SLC35F2: variants seen among roughly 807,000 people sequenced by gnomAD.
The protein encoded by SLC35F2 is queuine/queuosine transporter SLC35F2.
SLC35F2 carries 25 observed loss-of-function variants against 38.1 expected under a neutral mutation model. The observed-to-expected ratio is 0.66, with a 90% CI of 0.48 to 0.92. SLC35F2 has a LOEUF of 0.92. Among genes scored for constraint, SLC35F2 ranks in the 40% least tolerant of loss-of-function variants. The pLI, the probability that SLC35F2 is intolerant of heterozygous loss-of-function variation, is 0.00. For missense variants in SLC35F2, 409 were observed against 452.9 expected (o/e 0.90, Z 0.88); for synonymous variants, 173 against 181.7 (o/e 0.95, Z 0.38).
chr11:107,813,574 C>T (rs771289225), intron 2 of SLC35F2, among the ~76,000 whole-genome samples: 3 of 152,214 alleles, frequency 2.0e-5, no homozygotes, highest in Non-Finnish European at 2.9e-5. Flanking sequence ...TGCACTGATA[C>T]ATTTGGGAGT....
intron 2 of SLC35F2, among the ~76,000 whole-genome samples, chr11:107,815,429 C>T (rs1490495949): frequency 6.6e-6 from 1 of 150,852 alleles, no homozygotes; most frequent in Non-Finnish European, 1.5e-5. Flanking sequence ...TGGTGGCACA[C>T]TCCTGTAGTC....
intron 1 of SLC35F2, chr11:107,824,059 A>G: frequency 2.1e-6 from 2 of 933,940 alleles, no homozygotes; most frequent in South Asian, 5.0e-5. Flanking sequence ...TTAGCCATCA[A>G]TGTATCATCT....
chr11:107,853,645 G>A (rs867139609), intron 1 of SLC35F2, among the ~76,000 whole-genome samples: 150 of 150,502 alleles, frequency 1.0e-3, no homozygotes, highest in Admixed American at 4.0e-3. Context: ...GCGTGAACCC[G>A]GGAGGCGGAG....
At chr11:107,807,080 T>C (rs1859404082) in intron 3 of SLC35F2, among the ~76,000 whole-genome samples, 2 of 151,906 alleles carry the variant, frequency 1.3e-5, no homozygotes, top group Admixed American at 6.6e-5. Flanking sequence ...CAATCCAATT[T>C]TATACATGAG....
At chr11:107,835,391 A>G (rs992260772) in intron 1 of SLC35F2, among the ~76,000 whole-genome samples, 1 of 151,908 alleles carries the variant, frequency 6.6e-6, no homozygotes, top group African/African-American at 2.4e-5. Flanking sequence ...GCTTAGTGGA[A>G]ATAGTCCGAA....
chr11:107,855,711 T>C (rs1292636749), intron 1 of SLC35F2, among the ~76,000 whole-genome samples: 1 of 149,968 alleles, frequency 6.7e-6, no homozygotes. Context: ...CTCAAAGAGA[T>C]ACATAAAAAG....
intron 1 of SLC35F2, among the ~76,000 whole-genome samples, chr11:107,817,423 G>A (rs1288194089): frequency 6.6e-6 from 1 of 152,164 alleles, no homozygotes; most frequent in African/African-American, 2.4e-5. Flanking sequence ...AGAGAAGATG[G>A]CGTTTCAAAG....
chr11:107,835,640 C>T (rs1247125116), intron 1 of SLC35F2, among the ~76,000 whole-genome samples: 1 of 152,006 alleles, frequency 6.6e-6, no homozygotes, highest in African/African-American at 2.4e-5. Context: ...ATGTTCCCCA[C>T]ACTGGTCTGG....
intron 7 of SLC35F2, among the ~76,000 whole-genome samples, chr11:107,800,713 C>A (rs909933775): frequency 6.6e-6 from 1 of 152,062 alleles, no homozygotes; most frequent in African/African-American, 2.4e-5. Flanking sequence ...TCTGGAGTGG[C>A]TGGGACTACA....
chr11:107,808,208 G>C (rs1217551800), intron 3 of SLC35F2, among the ~76,000 whole-genome samples: 1 of 152,110 alleles, frequency 6.6e-6, no homozygotes, highest in Non-Finnish European at 1.5e-5. Context: ...AAATACTCTT[G>C]CTCATCCTCC....
intron 1 of SLC35F2, among the ~76,000 whole-genome samples, chr11:107,818,110 AAG>A (rs1491169910): frequency 7.4e-6 from 1 of 135,386 alleles, no homozygotes; most frequent in Non-Finnish European, 1.6e-5. Context: ...GAAAGAAAGA[AAG>A]AAAGAAAGAA....
intron 7 of SLC35F2, among the ~76,000 whole-genome samples, chr11:107,801,736 T>G (rs1227717893): frequency 6.6e-6 from 1 of 152,190 alleles, no homozygotes; most frequent in Non-Finnish European, 1.5e-5. Flanking sequence ...TCTGTCTGAT[T>G]ATGAGACTTT....
intron 1 of SLC35F2, among the ~76,000 whole-genome samples, chr11:107,847,355 A>C (rs992948378): frequency 1.3e-5 from 2 of 152,192 alleles, no homozygotes; most frequent in Non-Finnish European, 2.9e-5. Flanking sequence ...GCAGTCTACT[A>C]CAGCTTTTTC....
intron 1 of SLC35F2, among the ~76,000 whole-genome samples, chr11:107,850,275 T>G (rs1317095871): frequency 6.6e-6 from 1 of 152,120 alleles, no homozygotes; most frequent in Non-Finnish European, 1.5e-5. Context: ...TTGTGGAGGC[T>G]GGGAGTTGGA....
intron 1 of SLC35F2, among the ~76,000 whole-genome samples, chr11:107,818,328 G>A (rs1010203083): frequency 6.6e-6 from 1 of 152,126 alleles, no homozygotes; most frequent in Non-Finnish European, 1.5e-5. Flanking sequence ...CTAGTGGGGA[G>A]GCTGAGGCAC....
chr11:107,814,107 C>T lies in SLC35F2; in HGVS notation c.286+1683G>A, dbSNP rs77619167. 2.8e-3 allele frequency among the ~76,000 whole-genome samples: 420 copies of T among 152,260 alleles called. 1 individual carries two copies. Among genetic ancestry groups the T allele is most frequent in the African/African-American group, 9.0e-3 (374 of 41,560 alleles). On this transcript the variant is annotated intron_variant, in intron 2 of 7. Transcript: ENST00000525815. The stretch of plus-strand genomic sequence containing the variant: ...TTTTTCTTCTGCTATGTCAGCCACA[C>T]GATTCAAAAGCAAGTAGTAAACTTA...
chr11:107,844,439 C>T (rs1425741099), intron 1 of SLC35F2, among the ~76,000 whole-genome samples: 5 of 151,198 alleles, frequency 3.3e-5, no homozygotes, highest in African/African-American at 4.9e-5. Flanking sequence ...ATCAGCCTGG[C>T]CAACATGGTG....
At chr11:107,803,624 G>T (rs1010864925) in intron 6 of SLC35F2, 11 of 469,866 alleles carry the variant, frequency 2.3e-5, no homozygotes, top group Non-Finnish European at 2.8e-5. Context: ...ACAGTTATTA[G>T]GTCCATTGTA....
intron 1 of SLC35F2, among the ~76,000 whole-genome samples, chr11:107,819,946 A>T (rs1273697568): frequency 6.6e-6 from 1 of 152,108 alleles, no homozygotes; most frequent in Non-Finnish European, 1.5e-5. Context: ...CAGTGCTCCT[A>T]TTAAAAGACC....
Sources: gnomAD v4.1 joint callset for allele counts (sites outside exome capture counted in the v4.1 genomes callset) on GRCh38, gnomAD v4.1.1 for gene constraint, MANE v1.5 for transcripts, NCBI Gene and HGNC (gene_info 2026-07-23, HGNC 2026-07-21) for gene names.